ADK: variants seen among roughly 807,000 people sequenced by gnomAD.
ADK encodes the protein adenosine kinase.
In ADK, 24 loss-of-function variants were observed where a neutral mutation model predicts 44.7. That is an observed-to-expected ratio of 0.54 (90% CI 0.39 to 0.76). The LOEUF (loss-of-function observed/expected upper bound fraction) is 0.76. Ranked by LOEUF, ADK falls within the 30% of genes least tolerant of loss-of-function variation. ADK has a pLI of 0.00. For missense variants in ADK, 321 were observed against 425.1 expected (o/e 0.76, Z 2.15); for synonymous variants, 128 against 142.6 (o/e 0.90, Z 0.73).
At chr10:74,269,032 A>G (rs1255386091) in intron 3 of ADK, among the ~76,000 whole-genome samples, 1 of 152,224 alleles carries the variant, frequency 6.6e-6, no homozygotes, top group Non-Finnish European at 1.5e-5. Context: ...CTTGTTTTTT[A>G]ATTAAAGTGC....
chr10:74,460,437 C>T (rs879811643), intron 6 of ADK, among the ~76,000 whole-genome samples: 4 of 152,110 alleles, frequency 2.6e-5, no homozygotes, highest in Non-Finnish European at 5.9e-5. Flanking sequence ...ATTACACACA[C>T]ATGTGTAGTA....
At chr10:74,259,435 G>T (rs533519424) in intron 3 of ADK, among the ~76,000 whole-genome samples, 1 of 148,864 alleles carries the variant, frequency 6.7e-6, no homozygotes, top group African/African-American at 2.5e-5. Flanking sequence ...TTATAAACTC[G>T]ATGTAATCAT....
intron 9 of ADK, among the ~76,000 whole-genome samples, chr10:74,609,417 A>G (rs1852460664): frequency 6.6e-6 from 1 of 152,150 alleles, no homozygotes; most frequent in Non-Finnish European, 1.5e-5. Flanking sequence ...GACCATGGGA[A>G]AAGTGTAGTT....
rs1424296143 is a variant in ADK, at chr10:74,314,705, A to G, written c.233A>G (p.His78Arg). The G allele has an allele frequency of 2.5e-6, 4 of 1,613,042 alleles. No individual in the cohort carries two copies. In the African/African-American group the frequency reaches 4.0e-5, roughly 16 times the overall value. Residue 78 changes from histidine to arginine, a missense_variant, in exon 4 of 11, where the codon CAT becomes CGT. Coordinates refer to ENST00000539909, the MANE Select transcript of ADK (RefSeq NM_006721.4). ...GTGAAAAAATTCAAAGTCGAATATC[A>G]TGCTGGTGGCTCTACCCAGAATTCA... ...ELVKKFKVEY[H>R]AGGSTQNSIK...
intron 5 of ADK, among the ~76,000 whole-genome samples, chr10:74,397,419 T>A (rs923143915): frequency 6.6e-6 from 1 of 152,044 alleles, no homozygotes; most frequent in South Asian, 2.1e-4. Flanking sequence ...TGGCAAGTAA[T>A]TTTTTAAATT....
At chr10:74,155,510 CTATATA>C (rs1176040387) in intron 1 of ADK, among the ~76,000 whole-genome samples, 1 of 151,718 alleles carries the variant, frequency 6.6e-6, no homozygotes, top group Non-Finnish European at 1.5e-5. Context: ...TTTCTAGACC[CTATATA>C]TATATTTTTT....
At chr10:74,568,180 TGTTA>T (rs1262640392) in intron 7 of ADK, among the ~76,000 whole-genome samples, 2 of 152,182 alleles carry the variant, frequency 1.3e-5, no homozygotes, top group African/African-American at 4.8e-5. Flanking sequence ...CATCAGCTGT[TGTTA>T]GTGTTTGTAC....
At chr10:74,377,309 T>C (rs1194126587) in intron 4 of ADK, among the ~76,000 whole-genome samples, 1 of 152,126 alleles carries the variant, frequency 6.6e-6, no homozygotes, top group African/African-American at 2.4e-5. Context: ...CTGGATTAGA[T>C]CAAAAGTAGC....
At chr10:74,284,207 G>C (rs1847064408) in intron 3 of ADK, among the ~76,000 whole-genome samples, 1 of 151,222 alleles carries the variant, frequency 6.6e-6, no homozygotes. Context: ...TGATCCGCCA[G>C]TCTTGGCCTC....
chr10:74,504,748 G>T (rs777269412), intron 6 of ADK, among the ~76,000 whole-genome samples: 1 of 151,938 alleles, frequency 6.6e-6, no homozygotes, highest in East Asian at 1.9e-4. Flanking sequence ...GTGAGTTCTC[G>T]TGGAACCTGT....
chr10:74,488,648 A>G (rs1847360076), intron 6 of ADK, among the ~76,000 whole-genome samples: 1 of 151,464 alleles, frequency 6.6e-6, no homozygotes, highest in Non-Finnish European at 1.5e-5. Context: ...AAACTTTTCT[A>G]AATTTCAGAT....
rs139106505 is a variant in ADK at position 74,184,738 on chromosome 10, A to G, written c.66-16026A>G. 3.4e-3 allele frequency among the ~76,000 whole-genome samples: 519 copies of G among 152,274 alleles called. 1 individual carries two copies. The highest frequency in any genetic ancestry group is 0.012 in the African/African-American group (480 of 41,546). ...CATAAATGTGTCTCATTTACTCTCAAAAGTGTCCCATTTGGATAATAAATT... is the reference window on the plus strand; with the variant it reads ...CATAAATGTGTCTCATTTACTCTCAGAAGTGTCCCATTTGGATAATAAATT... On this transcript the variant is annotated intron_variant, in intron 1 of 10. Coordinates refer to ENST00000539909, the MANE Select transcript of ADK (RefSeq NM_006721.4).
At chr10:74,489,645 A>G (rs778765695) in intron 6 of ADK, among the ~76,000 whole-genome samples, 6 of 151,838 alleles carry the variant, frequency 4.0e-5, no homozygotes, top group Non-Finnish European at 7.4e-5. Context: ...AAATGCTGCT[A>G]TTATTGTTCC....
intron 6 of ADK, among the ~76,000 whole-genome samples, chr10:74,490,989 G>A (rs1009592931): frequency 6.6e-6 from 1 of 151,820 alleles, no homozygotes; most frequent in Non-Finnish European, 1.5e-5. Flanking sequence ...TTCTCTCTGG[G>A]GTTTAATGTG....
chr10:74,302,332 G>C (rs1356987852), intron 3 of ADK, among the ~76,000 whole-genome samples: 8 of 150,530 alleles, frequency 5.3e-5, no homozygotes. Context: ...ATGTTCCCTG[G>C]GCTAGTTTCA....
At chr10:74,291,820 A>G (rs1847451028) in intron 3 of ADK, among the ~76,000 whole-genome samples, 1 of 151,238 alleles carries the variant, frequency 6.6e-6, no homozygotes, top group Non-Finnish European at 1.5e-5. Context: ...TATCATAATG[A>G]TTTCACGCTT....
chr10:74,553,415 G>T (rs573663658), intron 7 of ADK, among the ~76,000 whole-genome samples: 1 of 151,786 alleles, frequency 6.6e-6, no homozygotes, highest in Non-Finnish European at 1.5e-5. Context: ...TGGCCAGGAT[G>T]GTCTCGATCT....
At chr10:74,650,312 C>G in intron 9 of ADK, among the ~76,000 whole-genome samples, 1 of 152,046 alleles carries the variant, frequency 6.6e-6, no homozygotes, top group East Asian at 1.9e-4. Flanking sequence ...CCCAGCTACT[C>G]GGGAAGCTGA....
chr10:74,442,216 T>C (rs757804439), intron 6 of ADK, among the ~76,000 whole-genome samples: 24 of 151,874 alleles, frequency 1.6e-4, no homozygotes, highest in Admixed American at 2.6e-4. Context: ...TATCAAAAAG[T>C]CAAAATCATG....
Sources: gnomAD v4.1 joint callset for allele counts (sites outside exome capture counted in the v4.1 genomes callset) on GRCh38, gnomAD v4.1.1 for gene constraint, MANE v1.5 for transcripts, NCBI Gene and HGNC (gene_info 2026-07-23, HGNC 2026-07-21) for gene names.